Variants in SRP54 observed in about 807,000 individuals in gnomAD.
SRP54 encodes signal recognition particle 54.
SRP54 carries 10 observed loss-of-function variants against 64.8 expected under a neutral mutation model. The ratio of observed to expected loss-of-function variants is 0.15; its 90% confidence interval spans 0.10 to 0.26. The LOEUF (loss-of-function observed/expected upper bound fraction) is 0.26, where lower values mean the gene tolerates loss of function less well. SRP54 is among the 10% of genes least tolerant of loss of function. SRP54 has a pLI of 1.00. For synonymous variants in SRP54, 193 were observed against 185.6 expected (o/e 1.04, Z -0.32); for missense variants, 325 against 613.7 (o/e 0.53, Z 4.97).
At chr14:34,988,485 C>T (rs2043930452) in intron 1 of SRP54, among the ~76,000 whole-genome samples, 1 of 142,532 alleles carries the variant, frequency 7.0e-6, no homozygotes, top group Non-Finnish European at 1.5e-5. Context: ...TCTCTTGAAC[C>T]CAGGAGGTGG....
intron 1 of SRP54, among the ~76,000 whole-genome samples, chr14:34,987,453 A>G (rs970462100): frequency 3.3e-5 from 5 of 151,824 alleles, no homozygotes; most frequent in Non-Finnish European, 7.4e-5. Context: ...ATTTTACTCC[A>G]TCTCCTGAGC....
chr14:34,998,969 G>GTGTA (rs200571057), intron 2 of SRP54, among the ~76,000 whole-genome samples: 15 of 81,244 alleles, frequency 1.8e-4, no homozygotes, highest in African/African-American at 5.6e-4. Flanking sequence ...ATTACTTTGT[G>GTGTA]TGTATGTGTG....
At chr14:35,008,559 C>T (rs974975854) in intron 5 of SRP54, 68 bp from the exon 6 acceptor site, 12 of 1,075,684 alleles carry the variant, frequency 1.1e-5, no homozygotes, top group Non-Finnish European at 1.5e-5. Flanking sequence ...TAAGGAAAAA[C>T]AGAAAAAATT....
At chr14:35,007,572 A>T (rs1258963767) in intron 5 of SRP54, among the ~76,000 whole-genome samples, 185 bp downstream of exon 5, 3 of 115,474 alleles carry the variant, frequency 2.6e-5, no homozygotes, top group Non-Finnish European at 6.3e-5. Flanking sequence ...ATATATTTAC[A>T]TAAAATATAT....
chr14:35,016,183 AC>A (rs2044436015), intron 11 of SRP54, among the ~76,000 whole-genome samples: 1 of 152,226 alleles, frequency 6.6e-6, no homozygotes, highest in South Asian at 2.1e-4. Context: ...AAGTCTTTCA[AC>A]AGATCTTCCA....
At chr14:35,010,386 C>T (rs554643219) in intron 7 of SRP54, among the ~76,000 whole-genome samples, 8 of 151,982 alleles carry the variant, frequency 5.3e-5, no homozygotes, top group South Asian at 2.1e-4. Flanking sequence ...GCAGAGGTTG[C>T]GGTGAGCTGA....
intron 2 of SRP54, 34 bp from the exon 3 acceptor site, chr14:34,999,524 G>A (rs1182021211): frequency 6.7e-7 from 1 of 1,494,520 alleles, no homozygotes; most frequent in Admixed American, 1.7e-5. Flanking sequence ...GAAACATTGG[G>A]TGCTTTAAAT....
chr14:34,999,750 C>T, intron 3 of SRP54, 101 bp downstream of exon 3: 1 of 796,526 alleles, frequency 1.3e-6, no homozygotes, highest in Non-Finnish European at 2.1e-6. Context: ...ATCATTTCTG[C>T]TCTGCACCAC....
rs935733920 is a variant in SRP54 at position 35,011,393 on chromosome 14, T to A, written c.486-116T>A. The A allele has an allele frequency of 2.8e-5, 19 of 685,752 alleles. No homozygotes were observed. The African/African-American group carries it at 3.3e-4, about 12-fold the overall frequency. 42.5% of individuals were successfully genotyped at this position (685,752 alleles called of 1,614,324 possible). The stretch of plus-strand genomic sequence containing the variant: ...ACTTTATAGATTTTCCTCTTCTAAA[T>A]TGAAATTGGGGTCATTTTGGCTTTT... On this transcript the variant is annotated intron_variant, in intron 7 of 15. Coordinates refer to ENST00000216774, the MANE Select transcript of SRP54 (RefSeq NM_003136.4).
At chr14:34,987,788 A>G (rs772003595) in intron 1 of SRP54, among the ~76,000 whole-genome samples, 4 of 152,142 alleles carry the variant, frequency 2.6e-5, no homozygotes, top group Non-Finnish European at 5.9e-5. Flanking sequence ...TTTGATTTAC[A>G]ATTCCCTGAT....
intron 2 of SRP54, 104 bp from the exon 3 acceptor site, chr14:34,999,454 G>A: frequency 1.4e-6 from 1 of 725,956 alleles, no homozygotes; most frequent in Non-Finnish European, 2.4e-6. Context: ...ACCCAGTAGT[G>A]TGGTATTACT....
Position 35,013,489 on chromosome 14 carries a change from C to T in SRP54, c.780C>T (p.Leu260=). 3 of 1,613,938 alleles carry T rather than the reference C, an allele frequency of 1.9e-6. No individual in the cohort carries two copies. The African/African-American group carries it at 4.0e-5, about 22-fold the overall frequency. ...LDGHAKGGGA[L]SAVAATKSPI... is the part of the protein sequence containing the mutation. ...GCCATGCAAAAGGAGGTGGTGCACT[C>T]AGTGCGTAAGTATCATTGATACTGT... The change falls in exon 9 of 16, where the codon CTC becomes CTT. Residue 260 remains leucine (L), a synonymous_variant. Coordinates refer to ENST00000216774, the MANE Select transcript of SRP54 (RefSeq NM_003136.4).
chr14:34,998,994 TGTGTGTGTGTGTGTGTGTG>T (rs2044121767), intron 2 of SRP54, among the ~76,000 whole-genome samples: 2 of 96,058 alleles, frequency 2.1e-5, no homozygotes, highest in African/African-American at 6.7e-5. Flanking sequence ...TGTGTGTGTG[TGTGTGTGTGTGTGTGTGTG>T]GTTTTTTTTT....
rs576690879 is a variant in SRP54, at chr14:35,014,151, A to G, written c.886+249A>G. Among the ~76,000 whole-genome samples, 4 of 152,248 alleles carry G rather than the reference A, an allele frequency of 2.6e-5. No homozygotes were observed. The South Asian group carries it at 8.3e-4, about 32-fold the overall frequency. On this transcript the variant is annotated intron_variant, in intron 10 of 15. Transcript: ENST00000216774. Reference sequence around the variant, plus strand: ...AGTACAAAAACAAGTGGTTTTAATAATAGTGGATGTAAGGGCAGTAATACT... The same window carrying G: ...AGTACAAAAACAAGTGGTTTTAATAGTAGTGGATGTAAGGGCAGTAATACT...
chr14:34,986,711 C>G (rs964062300), intron 1 of SRP54, among the ~76,000 whole-genome samples: 2 of 151,976 alleles, frequency 1.3e-5, no homozygotes, highest in Non-Finnish European at 2.9e-5. Flanking sequence ...AAACCCATCT[C>G]TACTACAAAT....
chr14:35,024,056 C>T (rs1017277665), intron 14 of SRP54, among the ~76,000 whole-genome samples: 2 of 151,972 alleles, frequency 1.3e-5, no homozygotes, highest in African/African-American at 4.8e-5. Flanking sequence ...GAGACAGAGT[C>T]TCTCTCTGTC....
intron 14 of SRP54, among the ~76,000 whole-genome samples, chr14:35,023,844 TAA>T (rs1372387704): frequency 1.3e-5 from 2 of 151,126 alleles, no homozygotes; most frequent in Non-Finnish European, 2.9e-5. Flanking sequence ...TAATACTGTT[TAA>T]GTTATGCATG....
chr14:35,008,100 AT>A (rs1474931930), intron 5 of SRP54, among the ~76,000 whole-genome samples: 1 of 152,104 alleles, frequency 6.6e-6, no homozygotes, highest in Admixed American at 6.6e-5. Context: ...ATAGATCTTC[AT>A]TTTGTGTATC....
chr14:34,988,150 C>T (rs2043926220), intron 1 of SRP54, among the ~76,000 whole-genome samples: 1 of 152,124 alleles, frequency 6.6e-6, no homozygotes, highest in Admixed American at 6.6e-5. Context: ...GAAGATACAT[C>T]ATTTTGTAAT....
Sources: allele counts gnomAD v4.1 joint callset (sites outside exome capture counted in the v4.1 genomes callset), GRCh38; gene constraint gnomAD v4.1.1; transcripts MANE v1.5; gene names NCBI Gene and HGNC (gene_info 2026-07-23, HGNC 2026-07-21).